TAF1: variants seen among roughly 807,000 people sequenced by gnomAD.
The protein encoded by TAF1 is TATA-box binding protein associated factor 1.
TAF1 carries 2 observed loss-of-function variants against 138.5 expected under a neutral mutation model. The observed-to-expected ratio is 0.01, with a 90% confidence interval of 0.01 to 0.05. TAF1 has a LOEUF of 0.05. Ranked by LOEUF, TAF1 falls within the 10% of genes least tolerant of loss-of-function variation. The probability of loss-of-function intolerance (pLI) is 1.00; values close to 1 mark genes in which losing one functional copy is unlikely to be tolerated. For missense variants in TAF1, 709 were observed against 1,478.0 expected (o/e 0.48, Z 8.53); for synonymous variants, 437 against 503.2 (o/e 0.87, Z 1.76).
At chrX:71,388,527 T>A in intron 16 of TAF1, 149 bp downstream of exon 16, 1 of 976,366 alleles carries the variant, frequency 1.0e-6, no homozygotes, top group Non-Finnish European at 1.4e-6. Flanking sequence ...CTGGTTGCTT[T>A]TTTGAATTTG....
At chrX:71,506,782 A>C (rs924037015) in intron 13 of TAF1, among the ~76,000 whole-genome samples, 1 of 112,168 alleles carries the variant, frequency 8.9e-6, no homozygotes, top group East Asian at 2.8e-4. Context: ...CAAGTATTCA[A>C]ATCAAAATTT....
chrX:71,436,214 AT>A (rs749919538), intron 32 of TAF1, among the ~76,000 whole-genome samples: 99 of 84,271 alleles, frequency 1.2e-3, no homozygotes, highest in Middle Eastern at 5.5e-3. Flanking sequence ...AGCCCGGCTA[AT>A]TTTTTTTTTT....
At chrX:71,422,921 T>C (rs961259513) in intron 29 of TAF1, among the ~76,000 whole-genome samples, 196 bp from the exon 30 acceptor site, 1 of 109,718 alleles carries the variant, frequency 9.1e-6, no homozygotes, top group Non-Finnish European at 1.9e-5. Context: ...TTTTTGTATT[T>C]TTAGTAGAGA....
chrX:71,441,607 A>G (rs188931680), intron 32 of TAF1: 8 of 277,265 alleles, frequency 2.9e-5, no homozygotes, highest in Non-Finnish European at 5.3e-5. Flanking sequence ...TATATATTGT[A>G]TTATTATTAA....
chrX:71,366,523 CG>C, intron 1 of TAF1, 29 bp downstream of exon 1: 1 of 127,756 alleles, frequency 7.8e-6, no homozygotes, highest in Non-Finnish European at 1.2e-5. Flanking sequence ...GGGTAGGGCT[CG>C]GGGGGTGGGG....
intron 25 of TAF1, among the ~76,000 whole-genome samples, chrX:71,405,149 G>C (rs910146666): frequency 3.7e-5 from 4 of 108,919 alleles, no homozygotes; most frequent in African/African-American, 1.0e-4. Flanking sequence ...AATAGAGACG[G>C]GGCTTCACCA....
chrX:71,433,990 G>T (rs1269755256), intron 32 of TAF1, among the ~76,000 whole-genome samples: 2 of 111,911 alleles, frequency 1.8e-5, no homozygotes, highest in Non-Finnish European at 3.8e-5. Context: ...CTACTATCAG[G>T]CGATATACAC....
chrX:71,449,572 T>G (rs774441439), intron 32 of TAF1, among the ~76,000 whole-genome samples: 1 of 112,239 alleles, frequency 8.9e-6, no homozygotes, highest in South Asian at 3.7e-4. Flanking sequence ...AATTGAGATA[T>G]TGAGAGGTTG....
In TAF1 at chrX:71,378,925, T is replaced by A; in HGVS notation, c.1254T>A (p.Asp418Glu). 1 of 1,210,574 alleles carries A rather than the reference T, an allele frequency of 8.3e-7. No homozygotes were observed. Among genetic ancestry groups the A allele is most frequent in the Non-Finnish European group, 1.1e-6 (1 of 895,313 alleles). Residue 418 changes from aspartate to glutamate, a missense_variant, in exon 8 of 38, where the codon GAT becomes GAA. Coordinates refer to ENST00000423759, the MANE Select transcript of TAF1 (RefSeq NM_004606.5). ...ATTGGGAGGATGATATCATCTGGGA[T>A]GGGGAGGATGTCAAACACAAAGGGA... The part of the protein sequence containing the change: ...QLHWEDDIIW[D>E]GEDVKHKGTK...
At chrX:71,457,835 A>G (rs1324486344) in intron 34 of TAF1, among the ~76,000 whole-genome samples, 2 of 112,422 alleles carry the variant, frequency 1.8e-5, no homozygotes, top group Non-Finnish European at 3.8e-5. Flanking sequence ...AAAGCATTCT[A>G]TGCTCTTGTT....
chrX:71,484,187 T>C (rs2039130724), intron 13 of TAF1, among the ~76,000 whole-genome samples: 1 of 111,508 alleles, frequency 9.0e-6, no homozygotes. Flanking sequence ...TTTTAAAACA[T>C]CCTATGGATA....
intron 32 of TAF1, among the ~76,000 whole-genome samples, chrX:71,435,646 G>GT (rs781234587): frequency 2.7e-5 from 3 of 111,351 alleles, no homozygotes; most frequent in South Asian, 3.7e-4. Flanking sequence ...TGTTTCATTT[G>GT]TTTTTTTCTA....
Position 71,435,436 on chromosome X carries a change from T to C in TAF1, c.4753+11198T>C, listed in dbSNP as rs2037091497. On this transcript the variant is annotated intron_variant, in intron 32 of 37. Coordinates refer to ENST00000423759, the MANE Select transcript of TAF1 (RefSeq NM_004606.5). ...GTTATTTTTCTATGGAGCACCCTCTTCTCCAGTTGTGCCTTGCAATTTCCA... is the reference window on the plus strand; with the variant it reads ...GTTATTTTTCTATGGAGCACCCTCTCCTCCAGTTGTGCCTTGCAATTTCCA... Among the ~76,000 whole-genome samples the C allele has an allele frequency of 2.7e-5, 3 of 111,754 alleles. No individual in the cohort carries two copies. The South Asian group carries it at 1.1e-3, about 42-fold the overall frequency.
chrX:71,490,647 C>A (rs1223694496), intron 13 of TAF1, among the ~76,000 whole-genome samples: 1 of 110,832 alleles, frequency 9.0e-6, no homozygotes, highest in Non-Finnish European at 1.9e-5. Flanking sequence ...ATAGTACTGG[C>A]ATTAAAAACA....
At chrX:71,367,442 T>C in intron 1 of TAF1, 57 bp from the exon 2 acceptor site, 2 of 1,157,088 alleles carry the variant, frequency 1.7e-6, no homozygotes, top group Non-Finnish European at 2.3e-6. Context: ...ATAAGTCCTG[T>C]GGTGTGGGAG....
At chrX:71,452,109 ACC>A (rs41443746) in intron 32 of TAF1, among the ~76,000 whole-genome samples, 14 of 50,586 alleles carry the variant, frequency 2.8e-4, no homozygotes, top group South Asian at 1.0e-3. Context: ...CGGGGGGCTG[ACC>A]CCCCCCCCCA....
intron 32 of TAF1, among the ~76,000 whole-genome samples, chrX:71,451,882 A>G (rs992747918): frequency 5.3e-5 from 6 of 112,498 alleles, no homozygotes; most frequent in Non-Finnish European, 1.1e-4. Flanking sequence ...ACTTCTTACT[A>G]CACAGACACA....
intron 13 of TAF1, among the ~76,000 whole-genome samples, chrX:71,494,975 C>T (rs892986128): frequency 8.9e-6 from 1 of 111,895 alleles, no homozygotes; most frequent in Non-Finnish European, 1.9e-5. Flanking sequence ...CATTTACAAT[C>T]CTTTAGCTAC....
chrX:71,436,038 CTTTT>C (rs780566468), intron 32 of TAF1, among the ~76,000 whole-genome samples: 1 of 78,433 alleles, frequency 1.3e-5, no homozygotes, highest in Non-Finnish European at 2.4e-5. Context: ...ATGCTACCTC[CTTTT>C]TTTTTTTTTT....
Sources: gnomAD v4.1 joint callset for allele counts (sites outside exome capture counted in the v4.1 genomes callset) on GRCh38, gnomAD v4.1.1 for gene constraint, MANE v1.5 for transcripts, NCBI Gene and HGNC (gene_info 2026-07-23, HGNC 2026-07-21) for gene names.